CCN4: variants seen among roughly 807,000 people sequenced by gnomAD.
The protein encoded by CCN4 is cellular communication network factor 4, also known as CCN family member 4.
Under a neutral mutation model 36.7 loss-of-function variants are expected in CCN4, and 30 were observed. The observed-to-expected ratio is 0.82, with a 90% CI of 0.61 to 1.11. The LOEUF (loss-of-function observed/expected upper bound fraction) is 1.11, where lower values mean the gene tolerates loss of function less well. Ranked by LOEUF, CCN4 falls within the 50% of genes least tolerant of loss-of-function variation. The pLI is 0.00. For missense variants in CCN4, 505 were observed against 504.9 expected (o/e 1.00, Z 0.00); for synonymous variants, 191 against 195.4 (o/e 0.98, Z 0.19).
At chr8:133,208,944 G>T (rs934461437) in intron 1 of CCN4, among the ~76,000 whole-genome samples, 3 of 152,258 alleles carry the variant, frequency 2.0e-5, no homozygotes, top group African/African-American at 7.2e-5. Context: ...CATTGTTATA[G>T]CATTGATTGC....
intron 1 of CCN4, among the ~76,000 whole-genome samples, chr8:133,199,268 G>C (rs1853499356): frequency 6.6e-6 from 1 of 152,202 alleles, no homozygotes; most frequent in Admixed American, 6.5e-5. Flanking sequence ...TGTGAAAAAG[G>C]AAACAAGAAG....
At chr8:133,219,591 A>G (rs1854444304) in intron 2 of CCN4, among the ~76,000 whole-genome samples, 2 of 152,228 alleles carry the variant, frequency 1.3e-5, no homozygotes, top group South Asian at 4.1e-4. Flanking sequence ...TAGAATACCA[A>G]CTTTGAAAAA....
At chr8:133,214,300 C>T (rs1854233060) in intron 2 of CCN4, among the ~76,000 whole-genome samples, 1 of 150,916 alleles carries the variant, frequency 6.6e-6, no homozygotes, top group East Asian at 1.9e-4. Flanking sequence ...TAACCCCTAC[C>T]TTCCAAATGA....
intron 2 of CCN4, among the ~76,000 whole-genome samples, chr8:133,217,406 G>A (rs910745526): frequency 6.6e-6 from 1 of 152,262 alleles, no homozygotes; most frequent in Non-Finnish European, 1.5e-5. Flanking sequence ...GCTTCAGTAA[G>A]AGGAAAGCTA....
chr8:133,191,267 G>T, intron 1 of CCN4, 54 bp downstream of exon 1: 3 of 1,559,532 alleles, frequency 1.9e-6, no homozygotes, highest in Non-Finnish European at 2.6e-6. Flanking sequence ...TCTCTACTGG[G>T]TCCTGCTACA....
chr8:133,220,824 G>A lies in CCN4; in HGVS notation c.593G>A (p.Arg198His), dbSNP rs34782842. 60 of 1,601,998 alleles carry A rather than the reference G, an allele frequency of 3.7e-5. 1 individual carries two copies. The highest frequency in any genetic ancestry group is 2.0e-4 in the Middle Eastern group (1 of 4,936). ...DAKRPRKTAPRDTGAFDAVGE... is the reference protein window; with the variant it reads ...DAKRPRKTAPHDTGAFDAVGE... ...AAGAGGCCACGCAAGACCGCACCCC[G>A]TGACACAGGAGCCTTCGGTGGGTGT... Residue 198 changes from arginine to histidine, a missense_variant, in exon 3 of 5, where the codon CGT (arginine) becomes CAT (histidine). By Grantham distance (29) the Arg-to-His change is conservative (BLOSUM62 0). Coordinates refer to ENST00000250160, the MANE Select transcript of CCN4 (RefSeq NM_003882.4).
At chr8:133,217,849 T>A (rs1377034910) in intron 2 of CCN4, among the ~76,000 whole-genome samples, 1 of 151,836 alleles carries the variant, frequency 6.6e-6, no homozygotes, top group African/African-American at 2.4e-5. Flanking sequence ...GCCACTGTGC[T>A]GGGGACTCCG....
At chr8:133,212,226 A>G (rs1281090743) in intron 1 of CCN4, among the ~76,000 whole-genome samples, 1 of 152,154 alleles carries the variant, frequency 6.6e-6, no homozygotes, top group African/African-American at 2.4e-5. Flanking sequence ...GTGCTGGCAA[A>G]GGAAGCGCCA....
At chr8:133,194,446 T>TGTG (rs1383558119) in intron 1 of CCN4, among the ~76,000 whole-genome samples, 1 of 34,092 alleles carries the variant, frequency 2.9e-5, no homozygotes, top group Non-Finnish European at 4.6e-5. Flanking sequence ...GTGTGTGGTG[T>TGTG]GTGTGTGGTA....
chr8:133,209,175 C>T (rs1482282281), intron 1 of CCN4, among the ~76,000 whole-genome samples: 1 of 152,234 alleles, frequency 6.6e-6, no homozygotes, highest in Non-Finnish European at 1.5e-5. Flanking sequence ...CGCCAGTCAT[C>T]TGCTTTCCCT....
intron 1 of CCN4, 45 bp from the exon 2 acceptor site, chr8:133,212,819 C>A (rs771823154): frequency 6.9e-7 from 1 of 1,448,912 alleles, no homozygotes; most frequent in Non-Finnish European, 9.3e-7. Flanking sequence ...GGCGTTGAAA[C>A]CCCTGTCTCA....
Position 133,194,510 on chromosome 8 carries a change from AGTGTGGTGTGTGTGGGGGTGT to A in CCN4, c.69+3309_69+3329del, listed in dbSNP as rs1338111682. Among the ~76,000 whole-genome samples, 216 of 29,666 alleles carry A rather than the reference AGTGTGGTGTGTGTGGGGGTGT, an allele frequency of 7.3e-3. 1 individual carries two copies. The highest frequency in any genetic ancestry group is 0.012 in the Admixed American group (22 of 1,888). 19.5% of individuals were successfully genotyped at this position (29,666 alleles called of 152,430 possible). ...GGGGGTGTGGTGTGTGTGGAACATG[AGTGTGGTGTGTGTGGGGGTGT>A]GTGTGGTGTGTATGTGGTGTGTGTG... On this transcript the variant is annotated intron_variant, in intron 1 of 4. Coordinates refer to ENST00000250160, the MANE Select transcript of CCN4 (RefSeq NM_003882.4).
intron 1 of CCN4, among the ~76,000 whole-genome samples, chr8:133,196,564 C>T (rs2130529398): frequency 6.6e-6 from 1 of 152,188 alleles, no homozygotes; most frequent in East Asian, 1.9e-4. Context: ...ACAAGTGTGC[C>T]TAAGGCTATG....
At chr8:133,213,847 C>T (rs1238435347) in intron 2 of CCN4, among the ~76,000 whole-genome samples, 2 of 142,128 alleles carry the variant, frequency 1.4e-5, no homozygotes, top group Admixed American at 7.1e-5. Context: ...ACTATATATA[C>T]ACTATATATA....
chr8:133,225,087 TCA>T (rs1344453712), intron 3 of CCN4, among the ~76,000 whole-genome samples: 2 of 152,298 alleles, frequency 1.3e-5, no homozygotes, highest in East Asian at 3.9e-4. Context: ...TTATCTAAGA[TCA>T]CACAGCTTGT....
At chr8:133,194,463 TGGG>T (rs1564248143) in intron 1 of CCN4, among the ~76,000 whole-genome samples, 1 of 52,406 alleles carries the variant, frequency 1.9e-5, no homozygotes, top group Non-Finnish European at 3.1e-5. Context: ...GGTATGTGTG[TGGG>T]GTGTGTGTGT....
At chr8:133,203,595 C>A (rs2130549150) in intron 1 of CCN4, among the ~76,000 whole-genome samples, 1 of 152,280 alleles carries the variant, frequency 6.6e-6, no homozygotes, top group South Asian at 2.1e-4. Flanking sequence ...CATCATTTTA[C>A]AAATGATGAA....
chr8:133,221,533 G>A (rs544091277), intron 3 of CCN4, among the ~76,000 whole-genome samples: 5 of 152,016 alleles, frequency 3.3e-5, no homozygotes, highest in African/African-American at 7.2e-5. Flanking sequence ...GATAGATGAC[G>A]GATGAATAGG....
rs150117972 is a variant in CCN4, at chr8:133,207,185, C to G, written c.70-5679C>G. Among the ~76,000 whole-genome samples the G allele has an allele frequency of 8.1e-4, 124 of 152,356 alleles. 2 individuals carry two copies. The East Asian group carries it at 0.018, about 22-fold the overall frequency. Reference sequence around the variant, plus strand: ...CAGGAGAAGTTCTGGCCATGAGGCCCCTCCCAACCCTCACTCTTCAGCAAT... The same window carrying G: ...CAGGAGAAGTTCTGGCCATGAGGCCGCTCCCAACCCTCACTCTTCAGCAAT... On this transcript the variant is annotated intron_variant, in intron 1 of 4. Coordinates refer to ENST00000250160, the MANE Select transcript of CCN4 (RefSeq NM_003882.4).
Sources: gnomAD v4.1 joint callset for allele counts (sites outside exome capture counted in the v4.1 genomes callset) on GRCh38, gnomAD v4.1.1 for gene constraint, MANE v1.5 for transcripts, NCBI Gene and HGNC (gene_info 2026-07-23, HGNC 2026-07-21) for gene names.